ZMAT4: variants seen among roughly 807,000 people sequenced by gnomAD.
ZMAT4 encodes the protein zinc finger matrin-type 4.
In ZMAT4, 17 loss-of-function variants were observed where a neutral mutation model predicts 28.7. The observed-to-expected ratio is 0.59, with a 90% CI of 0.41 to 0.89. The LOEUF (loss-of-function observed/expected upper bound fraction) is 0.89. Ranked by LOEUF, ZMAT4 falls within the 40% of genes least tolerant of loss-of-function variation. ZMAT4 has a pLI of 0.00. For missense variants in ZMAT4, 240 were observed against 283.8 expected, an observed-to-expected ratio of 0.85 and a Z score of 1.11; for synonymous variants, 117 against 109.2, an observed-to-expected ratio of 1.07 and a Z score of -0.44.
At chr8:40,625,546 A>C (rs959577148) in intron 5 of ZMAT4, among the ~76,000 whole-genome samples, 5 of 152,088 alleles carry the variant, frequency 3.3e-5, no homozygotes, top group African/African-American at 1.2e-4. Context: ...TATAGACTAA[A>C]CGTGACATTA....
At chr8:40,838,641 C>A (rs1284025871) in intron 1 of ZMAT4, among the ~76,000 whole-genome samples, 1 of 152,182 alleles carries the variant, frequency 6.6e-6, no homozygotes, top group Non-Finnish European at 1.5e-5. Context: ...CTTCAACCAT[C>A]CTGCCCACCT....
rs184713566 is a variant in ZMAT4, at chr8:40,662,433, A to G, written c.577+12271T>C. On this transcript the variant is annotated intron_variant, in intron 5 of 6. Coordinates refer to ENST00000297737, the MANE Select transcript of ZMAT4 (RefSeq NM_024645.3). ...TGACTCTAATGTTTAAAATCCGGAT[A>G]GGTTTCTAATTTCCTGCTTGAGTTT... Among the ~76,000 whole-genome samples, 92 of 152,286 alleles carry G rather than the reference A, an allele frequency of 6.0e-4. 1 individual carries two copies. The highest frequency in any genetic ancestry group is 2.0e-3 in the African/African-American group (85 of 41,574).
chr8:40,769,410 AT>A (rs1813299298), intron 2 of ZMAT4, among the ~76,000 whole-genome samples: 1 of 152,184 alleles, frequency 6.6e-6, no homozygotes, highest in South Asian at 2.1e-4. Context: ...TTGCAAATAA[AT>A]TTGCAGCTTA....
intron 5 of ZMAT4, among the ~76,000 whole-genome samples, chr8:40,613,012 C>T (rs1342284727): frequency 1.9e-4 from 29 of 151,272 alleles, no homozygotes. Flanking sequence ...GGGGTTTCAC[C>T]ATGTTGGCTA....
chr8:40,578,364 T>A (rs2118533517), intron 6 of ZMAT4, among the ~76,000 whole-genome samples: 1 of 152,200 alleles, frequency 6.6e-6, no homozygotes, highest in Admixed American at 6.5e-5. Context: ...TAACACTAGG[T>A]GGATCAAAGA....
At chr8:40,604,091 A>G (rs1055030772) in intron 5 of ZMAT4, among the ~76,000 whole-genome samples, 1 of 152,142 alleles carries the variant, frequency 6.6e-6, no homozygotes, top group East Asian at 1.9e-4. Flanking sequence ...ACTTTACTGA[A>G]TTCATTTATC....
Position 40,817,842 on chromosome 8 carries a change from G to A in ZMAT4, c.102+7733C>T, listed in dbSNP as rs547518835. ...AGATGGATAGTTGGTGGCCAGAAGG[G>A]CAGACCATGATAGAGATGATGCTAT... On this transcript the variant is annotated intron_variant, in intron 2 of 6. Coordinates refer to ENST00000297737, the MANE Select transcript of ZMAT4 (RefSeq NM_024645.3). Among the ~76,000 whole-genome samples the A allele has an allele frequency of 5.3e-5, 8 of 152,306 alleles. No homozygotes were observed. In the South Asian group the frequency reaches 6.2e-4, roughly 12 times the overall value.
chr8:40,891,281 T>TGGGGAGGGGGAAGGGGGGAGGGG (rs1586234409), intron 1 of ZMAT4, among the ~76,000 whole-genome samples: 1 of 10,178 alleles, frequency 9.8e-5, no homozygotes, highest in African/African-American at 4.6e-4. Flanking sequence ...AAGGGGAAAT[T>TGGGGAGGGGGAAGGGGGGAGGGG]GAAGACAGTG....
Position 40,858,129 on chromosome 8 carries a change from T to C in ZMAT4, c.-4-32449A>G, listed in dbSNP as rs187919269. ...CTCTACACTTAAGATCTATGCGTTT[T>C]ATCGTATGCTTTAAAATAGACCTCA... is the stretch of plus-strand genomic sequence containing the variant. On this transcript the variant is annotated intron_variant, in intron 1 of 6. Coordinates refer to ENST00000297737, the MANE Select transcript of ZMAT4 (RefSeq NM_024645.3). 3.1e-4 allele frequency among the ~76,000 whole-genome samples: 47 copies of C among 152,300 alleles called. No homozygotes were observed. The East Asian group carries it at 8.9e-3, about 29-fold the overall frequency.
chr8:40,706,020 A>G (rs1810333631), intron 3 of ZMAT4, among the ~76,000 whole-genome samples: 1 of 152,306 alleles, frequency 6.6e-6, no homozygotes, highest in East Asian at 1.9e-4. Flanking sequence ...ATGTAGCTCC[A>G]GAACTGAGTA....
intron 2 of ZMAT4, among the ~76,000 whole-genome samples, chr8:40,794,564 G>A (rs1346934948): frequency 6.6e-6 from 1 of 152,200 alleles, no homozygotes. Flanking sequence ...TAGGGATGGG[G>A]GAAAGACAAC....
chr8:40,888,920 C>G (rs1050402757), intron 1 of ZMAT4, among the ~76,000 whole-genome samples: 2 of 152,200 alleles, frequency 1.3e-5, no homozygotes, highest in African/African-American at 4.8e-5. Flanking sequence ...GGCTTCACAC[C>G]TTCTTGCAGA....
chr8:40,763,356 TCA>T, intron 3 of ZMAT4, among the ~76,000 whole-genome samples: 1 of 152,328 alleles, frequency 6.6e-6, no homozygotes, highest in African/African-American at 2.4e-5. Flanking sequence ...AGCTGGGTGA[TCA>T]CAGTCAATTA....
At chr8:40,799,864 G>A (rs186038091) in intron 2 of ZMAT4, among the ~76,000 whole-genome samples, 5 of 152,284 alleles carry the variant, frequency 3.3e-5, no homozygotes, top group Non-Finnish European at 7.4e-5. Flanking sequence ...CTATTTGAAA[G>A]TAGACTTGGA....
intron 3 of ZMAT4, among the ~76,000 whole-genome samples, chr8:40,739,863 T>G (rs902460763): frequency 3.3e-5 from 5 of 152,212 alleles, no homozygotes; most frequent in African/African-American, 4.8e-5. Flanking sequence ...TTCTCATTAT[T>G]CAGCTCCCAC....
rs1475356769 is a variant in ZMAT4, at chr8:40,684,724, G to A, written c.350-9793C>T. On this transcript the variant is annotated intron_variant, in intron 4 of 6. Coordinates refer to ENST00000297737, the MANE Select transcript of ZMAT4 (RefSeq NM_024645.3). ...GAGGAAAGTGATCAGTGCCAGAGGC[G>A]CAGCAGAGAGAAAGTGCAGGCTAAG... Among the ~76,000 whole-genome samples the A allele has an allele frequency of 1.1e-3, 173 of 152,156 alleles. 2 individuals carry two copies. The highest frequency in any genetic ancestry group is 1.2e-4 in the Non-Finnish European group (8 of 68,036).
At chr8:40,556,208 G>C (rs935697550) in intron 6 of ZMAT4, among the ~76,000 whole-genome samples, 2 of 152,030 alleles carry the variant, frequency 1.3e-5, no homozygotes, top group African/African-American at 4.8e-5. Flanking sequence ...ACTACCGCTA[G>C]ATGAGAATTC....
chr8:40,599,009 A>G (rs116904532), intron 5 of ZMAT4, among the ~76,000 whole-genome samples: 1,536 of 152,314 alleles, frequency 0.01, 12 homozygotes, highest in Middle Eastern at 0.065. Context: ...AGTTTTAAAT[A>G]TAAGATTTTC....
In ZMAT4 at chr8:40,610,350, A is replaced by C. The variant is rs16889679; in HGVS notation, c.578-29089T>G. On this transcript the variant is annotated intron_variant, in intron 5 of 6. Transcript: ENST00000297737. The stretch of plus-strand genomic sequence containing the variant: ...ATAGATCAAACCAATAAAACTTTGC[A>C]AGCATATCATGCCTTAGGTAGACAC... 8.7e-3 allele frequency among the ~76,000 whole-genome samples: 1,324 copies of C among 152,342 alleles called. 17 individuals carry two copies. The highest frequency in any genetic ancestry group is 0.03 in the African/African-American group (1,250 of 41,578).
Sources: gnomAD v4.1 joint callset for allele counts (sites outside exome capture counted in the v4.1 genomes callset) on GRCh38, gnomAD v4.1.1 for gene constraint, MANE v1.5 for transcripts, NCBI Gene and HGNC (gene_info 2026-07-23, HGNC 2026-07-21) for gene names.